ETV1: variants seen among roughly 807,000 people sequenced by gnomAD.
ETV1 encodes ETS translocation variant 1.
ETV1 carries 27 observed loss-of-function variants against 62.3 expected under a neutral mutation model. The ratio of observed to expected loss-of-function variants is 0.43; its 90% confidence interval spans 0.32 to 0.60. ETV1 has a LOEUF of 0.60. Among genes scored for constraint, ETV1 ranks in the 20% least tolerant of loss-of-function variants. The pLI, the probability that ETV1 is intolerant of heterozygous loss-of-function variation, is 0.06. For synonymous variants in ETV1, 222 were observed against 199.6 expected, an observed-to-expected ratio of 1.11 and a Z score of -0.94; for missense variants, 605 against 605.8, an observed-to-expected ratio of 1.00 and a Z score of 0.01.
Position 13,989,397 on chromosome 7 carries a change from C to T in ETV1, c.-217G>A, listed in dbSNP as rs1302670826. 4.5e-6 allele frequency: 2 copies of T among 448,948 alleles called. No individual in the cohort carries two copies. Among genetic ancestry groups the T allele is most frequent in the Non-Finnish European group, 7.8e-6 (2 of 256,718 alleles). 27.8% of individuals were successfully genotyped at this position (448,948 alleles called of 1,614,324 possible). ...TGCGCGGTCGGTGTACCCCGGGCAG[C>T]TCTGATTCGCAAACGTGTGCAAAAC... On this transcript the variant is annotated 5_prime_UTR_variant, in exon 2 of 14. Coordinates refer to ENST00000430479, the MANE Select transcript of ETV1 (RefSeq NM_004956.5).
At chr7:13,918,617 A>C (rs1295734080) in intron 9 of ETV1, among the ~76,000 whole-genome samples, 1 of 151,966 alleles carries the variant, frequency 6.6e-6, no homozygotes, top group African/African-American at 2.4e-5. Context: ...ATTCTCAGTA[A>C]ACAAGAACAA....
intron 6 of ETV1, among the ~76,000 whole-genome samples, chr7:13,970,684 T>C (rs1780812915): frequency 6.6e-6 from 1 of 152,042 alleles, no homozygotes; most frequent in South Asian, 2.1e-4. Flanking sequence ...TCAAAATTAG[T>C]AATAAAAAAT....
At chr7:13,970,110 A>G (rs2128492213) in intron 6 of ETV1, among the ~76,000 whole-genome samples, 1 of 151,954 alleles carries the variant, frequency 6.6e-6, no homozygotes, top group Admixed American at 6.5e-5. Flanking sequence ...CAAAAAAAAA[A>G]ATTAGCCTGG....
At chr7:13,922,540 G>C (rs1011234848) in intron 9 of ETV1, among the ~76,000 whole-genome samples, 4 of 152,112 alleles carry the variant, frequency 2.6e-5, no homozygotes, top group African/African-American at 9.7e-5. Flanking sequence ...GAGGCCAAGA[G>C]TTAGCAACTT....
chr7:13,914,349 C>G (rs1367351931), intron 9 of ETV1, among the ~76,000 whole-genome samples: 1 of 151,956 alleles, frequency 6.6e-6, no homozygotes, highest in Non-Finnish European at 1.5e-5. Flanking sequence ...TCAAAATGCT[C>G]TATGACATAT....
intron 6 of ETV1, among the ~76,000 whole-genome samples, chr7:13,966,962 G>T (rs1780355144): frequency 6.6e-6 from 1 of 152,048 alleles, no homozygotes; most frequent in South Asian, 2.1e-4. Context: ...AACATCTAGA[G>T]TCTTATAAAC....
At chr7:13,949,460 A>C (rs1300141019) in intron 6 of ETV1, among the ~76,000 whole-genome samples, 2 of 152,192 alleles carry the variant, frequency 1.3e-5, no homozygotes, top group Non-Finnish European at 2.9e-5. Context: ...TTGTGAATCC[A>C]TCTTCTAAGA....
chr7:13,899,425 C>A (rs1049301892), intron 13 of ETV1, among the ~76,000 whole-genome samples: 1 of 152,152 alleles, frequency 6.6e-6, no homozygotes. Context: ...TCTGAGCCAG[C>A]AAATTCTAGG....
intron 9 of ETV1, among the ~76,000 whole-genome samples, chr7:13,928,882 C>A (rs543619644): frequency 2.0e-5 from 3 of 151,934 alleles, no homozygotes; most frequent in Admixed American, 1.3e-4. Flanking sequence ...TGCTTGGACC[C>A]GGGGGTCGGA....
Position 13,988,144 on chromosome 7 carries a change from T to A in ETV1, c.75A>T (p.Lys25Asn), listed in dbSNP as rs781735914. ...NSQRGRNCNEKPTNVRKRKFI... is the reference protein window; with the variant it reads ...NSQRGRNCNENPTNVRKRKFI... Reference sequence around the variant, plus strand: ...ATTTTCTTTTCCTGACATTTGTTGGTTTCTCGTTACAATTTCTCCCACGCT... The same window carrying A: ...ATTTTCTTTTCCTGACATTTGTTGGATTCTCGTTACAATTTCTCCCACGCT... Residue 25 changes from lysine (K) to asparagine (N), a missense_variant, in exon 4 of 14, where the codon AAA (lysine) becomes AAT (asparagine). Transcript: ENST00000430479. 6.8e-6 allele frequency: 11 copies of A among 1,612,480 alleles called. No individual in the cohort carries two copies. Among genetic ancestry groups the A allele is most frequent in the Non-Finnish European group, 8.5e-6 (10 of 1,178,640 alleles).
intron 11 of ETV1, among the ~76,000 whole-genome samples, chr7:13,909,338 T>G (rs972338114): frequency 6.6e-6 from 1 of 152,140 alleles, no homozygotes. Context: ...ACAAGCTGCA[T>G]GTGCTCAGCA....
chr7:13,931,565 T>G lies in ETV1; in HGVS notation c.739A>C (p.Ser247Arg). 6.2e-7 allele frequency: 1 copy of G among 1,614,086 alleles called. No individual in the cohort carries two copies. Among genetic ancestry groups the G allele is most frequent in the Non-Finnish European group, 8.5e-7 (1 of 1,179,904 alleles). ...ATCAGAGGAGGGGGAAAGCTTTGGC[T>G]GGCCGCACTGCCAACCATGGTGTTG... ...EHNTMVGSAA[S>R]QSFPPPLMIK... Residue 247 changes from serine (S) to arginine (R), a missense_variant, in exon 9 of 14, where the codon AGC becomes CGC. By Grantham distance (110) the Ser-to-Arg change is moderately radical. This residue lies in a region of ETV1 where 426 missense variants were observed against 377.8 expected (regional missense o/e 1.13). Transcript: ENST00000430479.
At chr7:13,950,653 A>C (rs1488937512) in intron 6 of ETV1, among the ~76,000 whole-genome samples, 4 of 152,226 alleles carry the variant, frequency 2.6e-5, no homozygotes, top group South Asian at 2.1e-4. Context: ...TCTTAATAGA[A>C]GAGAATGGGT....
chr7:13,991,027 CTTAT>C (rs1782979929), upstream of ETV1: 1 of 152,354 alleles, frequency 6.6e-6, no homozygotes, highest in Non-Finnish European at 1.5e-5. Flanking sequence ...ACAATCAACA[CTTAT>C]TACTGGGAAA....
At chr7:13,961,236 T>A (rs867203542) in intron 6 of ETV1, among the ~76,000 whole-genome samples, 1 of 152,284 alleles carries the variant, frequency 6.6e-6, no homozygotes, top group African/African-American at 2.4e-5. Flanking sequence ...GTCAAATACA[T>A]CTGGTCCTGT....
intron 13 of ETV1, among the ~76,000 whole-genome samples, chr7:13,897,110 CTT>C (rs1781926598): frequency 6.9e-6 from 1 of 144,500 alleles, no homozygotes; most frequent in Admixed American, 7.2e-5. Flanking sequence ...GAATACGCCT[CTT>C]GTTAATAGAC....
chr7:13,931,539 C>A lies in ETV1; in HGVS notation c.765G>T (p.Met255Ile). 6.2e-7 allele frequency: 1 copy of A among 1,614,040 alleles called. No homozygotes were observed. Residue 255 changes from methionine (M) to isoleucine (I), a missense_variant, in exon 9 of 14, where the codon ATG (methionine) becomes ATT (isoleucine). Physicochemically the swap from Met to Ile is conservative, Grantham distance 10. This residue lies in a region of ETV1 where 426 missense variants were observed against 377.8 expected (regional missense o/e 1.13). Transcript: ENST00000430479. ...CAAAATCTCTGGGTTCCTGTTTAAT[C>A]ATCAGAGGAGGGGGAAAGCTTTGGC... Reference protein sequence around the residue: ...AASQSFPPPLMIKQEPRDFAY... With the variant: ...AASQSFPPPLIIKQEPRDFAY...
At position 13,986,651 on chromosome 7, in the gene ETV1, T is replaced by C. The variant is rs778897711; in HGVS notation, c.168A>G (p.Thr56=). ...ATTTTGCCTTACCTTCTGCAAGCCATGTTTCCTGTAATTGACTTAGATCTT... is the reference window on the plus strand; with the variant it reads ...ATTTTGCCTTACCTTCTGCAAGCCACGTTTCCTGTAATTGACTTAGATCTT... ...LFQDLSQLQE[T]WLAEAQVPDN... The change falls in exon 5 of 14, where the codon ACA becomes ACG. Residue 56 remains threonine, a synonymous_variant. Coordinates refer to ENST00000430479, the MANE Select transcript of ETV1 (RefSeq NM_004956.5). The C allele has an allele frequency of 2.5e-6, 4 of 1,612,664 alleles. No individual in the cohort carries two copies. The highest frequency in any genetic ancestry group is 1.7e-5 in the Admixed American group (1 of 59,826).
intron 6 of ETV1, among the ~76,000 whole-genome samples, chr7:13,975,558 G>C (rs1781349994): frequency 9.5e-6 from 1 of 104,900 alleles, no homozygotes; most frequent in African/African-American, 3.7e-5. Flanking sequence ...GTGAGACTCT[G>C]TCTCAAAAAA....
Sources: gnomAD v4.1 joint callset for allele counts (sites outside exome capture counted in the v4.1 genomes callset) on GRCh38, gnomAD v4.1.1 for gene constraint, gnomAD v4.1.1 regional missense constraint, MANE v1.5 for transcripts, NCBI Gene and HGNC (gene_info 2026-07-23, HGNC 2026-07-21) for gene names.